FCHO2: variants seen among roughly 807,000 people sequenced by gnomAD.
FCHO2 encodes the protein FCH and mu domain containing endocytic adaptor 2, also known as F-BAR domain only protein 2.
Under a neutral mutation model 114.1 loss-of-function variants are expected in FCHO2, and 43 were observed. The ratio of observed to expected loss-of-function variants is 0.38; its 90% CI spans 0.30 to 0.49. FCHO2 has a LOEUF of 0.49. Ranked by LOEUF, FCHO2 falls within the 20% of genes least tolerant of loss-of-function variation. FCHO2 has a pLI of 0.97. For missense variants in FCHO2, 807 were observed against 950.4 expected (o/e 0.85, Z 1.98); for synonymous variants, 293 against 315.2 (o/e 0.93, Z 0.75).
chr5:73,015,386 C>T (rs1185827635), intron 6 of FCHO2, among the ~76,000 whole-genome samples: 1 of 151,826 alleles, frequency 6.6e-6, no homozygotes, highest in Non-Finnish European at 1.5e-5. Context: ...CCTCAGCCTC[C>T]TGAATTGCTG....
At chr5:73,047,664 A>T (rs1488888977) in intron 11 of FCHO2, among the ~76,000 whole-genome samples, 1 of 151,954 alleles carries the variant, frequency 6.6e-6, no homozygotes, top group Non-Finnish European at 1.5e-5. Context: ...TGAATGCTCA[A>T]GTCCCTTACA....
chr5:73,074,380 C>T (rs2112884988), intron 19 of FCHO2, among the ~76,000 whole-genome samples: 2 of 151,954 alleles, frequency 1.3e-5, no homozygotes, highest in East Asian at 3.9e-4. Context: ...TTAAATAATG[C>T]CCTGAAGTAT....
chr5:73,053,050 T>C (rs1275107025), intron 13 of FCHO2, among the ~76,000 whole-genome samples: 1 of 152,194 alleles, frequency 6.6e-6, no homozygotes, highest in Non-Finnish European at 1.5e-5. Flanking sequence ...AGTAAATTTT[T>C]TCCTCATTGA....
rs555522493 is a variant in FCHO2, at chr5:73,074,772, T to G, written c.1610T>G (p.Leu537Arg). 4.3e-6 allele frequency: 7 copies of G among 1,613,022 alleles called. No homozygotes were observed. The South Asian group carries it at 6.6e-5, about 15-fold the overall frequency. The change falls in exon 20 of 26, where the codon CTT (leucine) becomes CGT (arginine). Residue 537 changes from leucine to arginine, a missense_variant. Physicochemically the swap from Leu to Arg is moderately radical, Grantham distance 102. Transcript: ENST00000430046. ...GVSRGPSPVS[L>R]GNQDTLPVAV... Reference sequence around the variant, plus strand: ...TCACGGGGTCCCAGCCCTGTCAGCCTTGGAAATCAGGATACCTTACCTGTG... The same window carrying G: ...TCACGGGGTCCCAGCCCTGTCAGCCGTGGAAATCAGGATACCTTACCTGTG...
intron 21 of FCHO2, 23 bp from the exon 22 acceptor site, chr5:73,078,157 A>C: frequency 6.9e-7 from 1 of 1,458,268 alleles, no homozygotes; most frequent in Non-Finnish European, 9.1e-7. Context: ...ATAAAATAAC[A>C]AATATATTTT....
Position 73,017,316 on chromosome 5 carries a change from G to T in FCHO2, c.796+8G>T. 6.6e-7 allele frequency: 1 copy of T among 1,506,670 alleles called. No individual in the cohort carries two copies. The highest frequency in any genetic ancestry group is 2.4e-5 in the East Asian group (1 of 40,944). 93.3% of individuals were successfully genotyped at this position (1,506,670 alleles called of 1,614,324 possible). On this transcript the variant is annotated splice_region_variant and intron_variant, in intron 8 of 25. Transcript: ENST00000430046. ...CTGGGAAGGAAAGACCTGGTAAGAT[G>T]ATAAACTCTGCAAGGAAACATTTTA...
chr5:73,041,603 T>A (rs1348903985), intron 11 of FCHO2, among the ~76,000 whole-genome samples: 1 of 152,036 alleles, frequency 6.6e-6, no homozygotes, highest in Non-Finnish European at 1.5e-5. Context: ...ATGCCAGAAA[T>A]CAAATCTGTA....
chr5:73,023,625 G>C (rs112435539), intron 8 of FCHO2, among the ~76,000 whole-genome samples: 1 of 151,908 alleles, frequency 6.6e-6, no homozygotes, highest in East Asian at 1.9e-4. Flanking sequence ...GCTTGAACCC[G>C]GGAGGCAGAG....
chr5:73,054,514 C>T lies in FCHO2; in HGVS notation c.1186-11C>T. 3.9e-6 allele frequency: 6 copies of T among 1,537,234 alleles called. No homozygotes were observed. The highest frequency in any genetic ancestry group is 5.3e-6 in the Non-Finnish European group (6 of 1,140,314). ...TTGTTTTATGGTACCTATTTTGCAT[C>T]TCTGTTTTAGGTACAGATGAATCGG... is the stretch of plus-strand genomic sequence containing the variant. On this transcript the variant is annotated splice_polypyrimidine_tract_variant and intron_variant, in intron 14 of 25. Transcript: ENST00000430046.
At chr5:73,047,209 C>T (rs141356892) in intron 11 of FCHO2, among the ~76,000 whole-genome samples, 468 of 152,196 alleles carry the variant, frequency 3.1e-3, no homozygotes, top group African/African-American at 0.011. Flanking sequence ...TCCATTTGAG[C>T]ACAAATTAAA....
At chr5:73,039,251 G>A (rs1345228908) in intron 10 of FCHO2, among the ~76,000 whole-genome samples, 2 of 152,150 alleles carry the variant, frequency 1.3e-5, no homozygotes, top group Non-Finnish European at 2.9e-5. Flanking sequence ...AGTAATTGTG[G>A]GAGACAGGCC....
intron 8 of FCHO2, among the ~76,000 whole-genome samples, chr5:73,018,896 A>G (rs1755458964): frequency 6.6e-6 from 1 of 152,154 alleles, no homozygotes; most frequent in African/African-American, 2.4e-5. Flanking sequence ...TAGTTTTCCA[A>G]AGCAAGGAAA....
rs1048691292 is a variant in FCHO2, at chr5:73,064,125, C to G, written c.1449+181C>G. ...TTCCTTGTTACCACAGTGATCATAC[C>G]TGTGAGACACGACATTGTCCAGGAG... is the stretch of plus-strand genomic sequence containing the variant. On this transcript the variant is annotated intron_variant, in intron 18 of 25. Coordinates refer to ENST00000430046, the MANE Select transcript of FCHO2 (RefSeq NM_138782.3). 2.0e-5 allele frequency among the ~76,000 whole-genome samples: 3 copies of G among 152,008 alleles called. No individual in the cohort carries two copies. In the East Asian group the frequency reaches 5.8e-4, roughly 29 times the overall value.
Position 73,052,619 on chromosome 5 carries a change from C to T in FCHO2, c.1173+112C>T, listed in dbSNP as rs116657128. 5,805 of 861,900 alleles carry T rather than the reference C, an allele frequency of 6.7e-3. 27 individuals are homozygous for T. Among genetic ancestry groups the T allele is most frequent in the Non-Finnish European group, 8.8e-3 (5,109 of 578,328 alleles). 53.4% of individuals were successfully genotyped at this position (861,900 alleles called of 1,614,324 possible). A position where few individuals can be genotyped will look rare whatever the true frequency, so the allele number is the denominator to read the frequency against. On this transcript the variant is annotated intron_variant, in intron 13 of 25. Coordinates refer to ENST00000430046, the MANE Select transcript of FCHO2 (RefSeq NM_138782.3). Reference sequence around the variant, plus strand: ...GTTAAGCATGTTGACTGAGGAAATACTTAGTTTATAATTTTTATACAGGGA... The same window carrying T: ...GTTAAGCATGTTGACTGAGGAAATATTTAGTTTATAATTTTTATACAGGGA...
At chr5:72,958,770 T>C (rs1186498137) in intron 1 of FCHO2, among the ~76,000 whole-genome samples, 2 of 152,250 alleles carry the variant, frequency 1.3e-5, no homozygotes, top group Admixed American at 1.3e-4. Flanking sequence ...TTAAAGAGCA[T>C]TTAAAAATTG....
chr5:73,035,923 A>G (rs1299585388), intron 9 of FCHO2, among the ~76,000 whole-genome samples: 1 of 152,098 alleles, frequency 6.6e-6, no homozygotes, highest in African/African-American at 2.4e-5. Flanking sequence ...GGCTCACTGC[A>G]TCCTCCGCCT....
At chr5:73,054,340 A>T (rs185177744) in intron 14 of FCHO2, among the ~76,000 whole-genome samples, 169 bp downstream of exon 14, 1 of 152,260 alleles carries the variant, frequency 6.6e-6, no homozygotes, top group East Asian at 1.9e-4. Context: ...AACTACATGT[A>T]TTATTTTTTG....
In FCHO2 at chr5:73,037,187, A is replaced by C; in HGVS notation, c.886A>C (p.Ile296Leu). Residue 296 changes from isoleucine to leucine, a missense_variant, in exon 10 of 26, where the codon ATT (isoleucine) becomes CTT (leucine). By Grantham distance (5) the Ile-to-Leu change is conservative. Coordinates refer to ENST00000430046, the MANE Select transcript of FCHO2 (RefSeq NM_138782.3). ...AAAGACCTTTGCTTTGCCAGGAATCATTAAAAAGGAAAAAGATGCAGAATC... is the reference window on the plus strand; with the variant it reads ...AAAGACCTTTGCTTTGCCAGGAATCCTTAAAAAGGAAAAAGATGCAGAATC... ...KRKTFALPGI[I>L]KKEKDAESVE... 1 of 1,599,388 alleles carries C rather than the reference A, an allele frequency of 6.3e-7. No individual in the cohort carries two copies. Among genetic ancestry groups the C allele is most frequent in the Non-Finnish European group, 8.5e-7 (1 of 1,173,512 alleles).
In FCHO2 at chr5:72,973,933, T is replaced by C. The variant is rs1752714041; in HGVS notation, c.125+5344T>C. 6.0e-5 allele frequency among the ~76,000 whole-genome samples: 9 copies of C among 150,452 alleles called. No individual in the cohort carries two copies. In the South Asian group the frequency reaches 1.9e-3, roughly 32 times the overall value. Reference sequence around the variant, plus strand: ...GTTCTCGTTGGTTTCAAAGAACATCTTTATTTCTGCCTTCATTTCGTTATG... The same window carrying C: ...GTTCTCGTTGGTTTCAAAGAACATCCTTATTTCTGCCTTCATTTCGTTATG... On this transcript the variant is annotated intron_variant, in intron 2 of 25. Transcript: ENST00000430046.
Sources: gnomAD v4.1 joint callset for allele counts (sites outside exome capture counted in the v4.1 genomes callset) on GRCh38, gnomAD v4.1.1 for gene constraint, MANE v1.5 for transcripts, NCBI Gene and HGNC (gene_info 2026-07-23, HGNC 2026-07-21) for gene names.